The following SPATA13 variants were observed in gnomAD, a reference collection of about 807,000 sequenced individuals.
SPATA13 encodes spermatogenesis associated 13.
Under a neutral mutation model 104.0 loss-of-function variants are expected in SPATA13, and 50 were observed. The observed-to-expected ratio is 0.48, with a 90% CI of 0.38 to 0.61. The LOEUF is 0.61. Among genes scored for constraint, SPATA13 ranks in the 20% least tolerant of loss-of-function variants. SPATA13 has a pLI of 0.00. For synonymous variants in SPATA13, 606 were observed against 667.5 expected (o/e 0.91, Z 1.42); for missense variants, 1,524 against 1,690.6 (o/e 0.90, Z 1.73).
chr13:24,245,290 A>C (rs911269287), intron 2 of SPATA13, among the ~76,000 whole-genome samples: 60 of 152,334 alleles, frequency 3.9e-4, no homozygotes, highest in African/African-American at 1.4e-3. Context: ...GCTTAAAAAA[A>C]AAAAAAGATT....
intron 2 of SPATA13, among the ~76,000 whole-genome samples, chr13:24,239,691 T>C (rs1201846879): frequency 2.0e-4 from 3 of 14,912 alleles, no homozygotes; most frequent in African/African-American, 1.0e-3. Flanking sequence ...AGAGACCATA[T>C]CTAAAAAAAA....
chr13:23,998,928 G>GTATT lies in SPATA13; in HGVS notation c.-147+14996_-147+14997insATTT, dbSNP rs1566066801. On this transcript the variant is annotated intron_variant, in intron 2 of 14. Coordinates refer to the SPATA13 transcript ENST00000424834. The stretch of plus-strand genomic sequence containing the variant: ...ATTTTCCATCTTTTCACTAACTTTG[G>GTATT]TTTTTTTTTTTTTTTGAGATGGAGT... Among the ~76,000 whole-genome samples, 3 of 147,366 alleles carry GTATT rather than the reference G, an allele frequency of 2.0e-5. 1 individual carries two copies. Among genetic ancestry groups the GTATT allele is most frequent in the Non-Finnish European group, 1.5e-5 (1 of 67,082 alleles).
chr13:24,042,046 G>A (rs9580837), intron 3 of SPATA13, among the ~76,000 whole-genome samples: 71,082 of 152,032 alleles, frequency 0.47, 17,377 homozygotes, highest in African/African-American at 0.6. Context: ...AGGCAGCCAC[G>A]TGTGTCACAT....
At chr13:24,182,267 G>C (rs1296896313) in intron 1 of SPATA13, among the ~76,000 whole-genome samples, 2 of 152,148 alleles carry the variant, frequency 1.3e-5, no homozygotes, top group Non-Finnish European at 2.9e-5. Context: ...ACTAAACTTT[G>C]AGGCATGTAT....
chr13:24,242,543 G>T (rs984182133), intron 2 of SPATA13, among the ~76,000 whole-genome samples: 5 of 152,120 alleles, frequency 3.3e-5, no homozygotes, highest in African/African-American at 4.8e-5. Flanking sequence ...TAACTATCTC[G>T]CTTGCTCTTA....
chr13:24,217,987 G>A (rs1041558645), intron 1 of SPATA13, among the ~76,000 whole-genome samples: 3 of 152,258 alleles, frequency 2.0e-5, no homozygotes, highest in Non-Finnish European at 4.4e-5. Flanking sequence ...ACAATGGCTG[G>A]AGAAAGAGCC....
intron 1 of SPATA13, among the ~76,000 whole-genome samples, chr13:24,206,543 CCAA>C (rs1264075799): frequency 6.6e-6 from 1 of 152,056 alleles, no homozygotes; most frequent in African/African-American, 2.4e-5. Flanking sequence ...ATCACTTGAC[CCAA>C]CAATCCCATT....
Position 24,028,598 on chromosome 13 carries a change from T to C in SPATA13, c.-112+10897T>C, listed in dbSNP as rs148561642. The stretch of plus-strand genomic sequence containing the variant: ...GATGTGTCTAGGAGAGATCTGGCAT[T>C]ATATTCTTTATGCTTCCTAATTCTG... On this transcript the variant is annotated intron_variant, in intron 3 of 14. Transcript: ENST00000424834. Among the ~76,000 whole-genome samples the C allele has an allele frequency of 3.6e-3, 547 of 152,346 alleles. 2 individuals are homozygous for C. The highest frequency in any genetic ancestry group is 0.012 in the African/African-American group (515 of 41,588).
Position 24,271,780 on chromosome 13 carries a change from G to A in SPATA13, c.2165-12355G>A, listed in dbSNP as rs185979737. Among the ~76,000 whole-genome samples, 316 of 152,294 alleles carry A rather than the reference G, an allele frequency of 2.1e-3. 1 individual carries two copies. The highest frequency in any genetic ancestry group is 3.9e-3 in the East Asian group (20 of 5,178). On this transcript the variant is annotated intron_variant, in intron 4 of 12. Coordinates refer to ENST00000382108, the MANE Select transcript of SPATA13 (RefSeq NM_001166271.3). ...CCTGAAATGAATGGGAACCGTAGAT[G>A]GCAGCTCGAGGCAGCCTGGGGCCCT...
Position 24,286,300 on chromosome 13 carries a change from G to A in SPATA13, c.2388G>A (p.Gly796=), listed in dbSNP as rs1390000339. ...ACCAGGAACTGGGCTTCAAAGCCGGGGATGTCATCCAGGTTCTGGAAGCCT... is the reference window on the plus strand; with the variant it reads ...ACCAGGAACTGGGCTTCAAAGCCGGAGATGTCATCCAGGTTCTGGAAGCCT... ...MDDQELGFKA[G]DVIQVLEASN... is the part of the protein sequence containing the mutation. Residue 796 remains glycine, a synonymous_variant, in exon 6 of 13, where the codon GGG becomes GGA. Coordinates refer to ENST00000382108, the MANE Select transcript of SPATA13 (RefSeq NM_001166271.3). This position sits in a 1 kb window ranked among gnomAD's most constrained non-coding sequence, Gnocchi z 4.9. 3 of 1,613,760 alleles carry A rather than the reference G, an allele frequency of 1.9e-6. No individual in the cohort carries two copies. In the African/African-American group the frequency reaches 4.0e-5, roughly 22 times the overall value.
intron 4 of SPATA13, chr13:24,270,960 C>T (rs1243924293): frequency 1.3e-5 from 18 of 1,384,936 alleles, no homozygotes; most frequent in Non-Finnish European, 1.7e-5. Flanking sequence ...GTTGCCGATT[C>T]AGCTCTTTCC....
Position 23,997,346 on chromosome 13 carries a change from C to T in SPATA13, c.-147+13413C>T, listed in dbSNP as rs74987271. Among the ~76,000 whole-genome samples the T allele has an allele frequency of 2.3e-3, 353 of 152,248 alleles. 14 individuals are homozygous for T. In the East Asian group the frequency reaches 0.057, roughly 25 times the overall value. ...ACACGCATGTCCCCTGTGATCCGAC[C>T]GTCCCCATACCCACATTCCCAGGCA... is the stretch of plus-strand genomic sequence containing the variant. On this transcript the variant is annotated intron_variant, in intron 2 of 14. Transcript: ENST00000424834.
intron 3 of SPATA13, among the ~76,000 whole-genome samples, chr13:24,080,363 C>T (rs1338822814): frequency 1.3e-5 from 2 of 152,220 alleles, no homozygotes; most frequent in African/African-American, 2.4e-5. Context: ...TAAGCAGGAA[C>T]CAACGACTTA....
At chr13:24,244,206 T>A (rs1399039497) in intron 2 of SPATA13, among the ~76,000 whole-genome samples, 1 of 152,220 alleles carries the variant, frequency 6.6e-6, no homozygotes, top group African/African-American at 2.4e-5. Flanking sequence ...TCCCTCTGCA[T>A]CATAAGGACA....
At chr13:24,294,629 CA>C in intron 9 of SPATA13, 109 bp from the exon 10 acceptor site, 1 of 1,210,480 alleles carries the variant, frequency 8.3e-7, no homozygotes, top group Non-Finnish European at 1.1e-6. Flanking sequence ...ACGTAAATGT[CA>C]CTTTGTCTAG....
intron 2 of SPATA13, among the ~76,000 whole-genome samples, chr13:23,988,441 C>T (rs1007160155): frequency 3.3e-5 from 5 of 152,198 alleles, no homozygotes; most frequent in Admixed American, 6.5e-5. Flanking sequence ...GATAGGCTTT[C>T]AGTTTTTTCC....
At chr13:24,002,650 C>T (rs968634347) in intron 2 of SPATA13, among the ~76,000 whole-genome samples, 1 of 152,110 alleles carries the variant, frequency 6.6e-6, no homozygotes, top group African/African-American at 2.4e-5. Context: ...CTGGAGTCTC[C>T]TTGGAATAGG....
intron 10 of SPATA13, 95 bp from the exon 11 acceptor site, chr13:24,297,268 G>C: frequency 1.4e-6 from 2 of 1,438,874 alleles, no homozygotes; most frequent in East Asian, 2.3e-5. Context: ...TCAAACTCTT[G>C]GCCTCAACGA....
At chr13:24,027,283 C>A (rs12585032) in intron 3 of SPATA13, among the ~76,000 whole-genome samples, 1 of 151,404 alleles carries the variant, frequency 6.6e-6, no homozygotes, top group Non-Finnish European at 1.5e-5. Context: ...TACAGGCGTG[C>A]GCCACCACAC....
Sources: gnomAD v4.1 joint callset for allele counts (sites outside exome capture counted in the v4.1 genomes callset) on GRCh38, gnomAD v4.1.1 for gene constraint, Gnocchi (gnomAD v3.1) non-coding constraint, MANE v1.5 for transcripts, NCBI Gene and HGNC (gene_info 2026-07-23, HGNC 2026-07-21) for gene names.